Variants in SMYD3 observed in about 807,000 individuals in gnomAD.
SMYD3 encodes SET and MYND domain containing 3.
SMYD3 carries 36 observed loss-of-function variants against 57.7 expected under a neutral mutation model. The observed-to-expected ratio is 0.62, with a 90% CI of 0.48 to 0.82. The LOEUF (loss-of-function observed/expected upper bound fraction) is 0.82, where lower values mean the gene tolerates loss of function less well. SMYD3 is among the 40% of genes least tolerant of loss of function. SMYD3 has a pLI of 0.00. For synonymous variants in SMYD3, 211 were observed against 195.0 expected (o/e 1.08, Z -0.68); for missense variants, 515 against 538.8 (o/e 0.96, Z 0.44).
chr1:246,267,028 C>G (rs2064122907), intron 5 of SMYD3, among the ~76,000 whole-genome samples: 1 of 152,022 alleles, frequency 6.6e-6, no homozygotes, highest in Non-Finnish European at 1.5e-5. Flanking sequence ...TTTTATAAGC[C>G]TGGCAAATAT....
At chr1:245,990,893 G>C (rs1220982611) in intron 5 of SMYD3, among the ~76,000 whole-genome samples, 1 of 151,206 alleles carries the variant, frequency 6.6e-6, no homozygotes, top group African/African-American at 2.4e-5. Context: ...TGACTTCCCT[G>C]TACCAGTGAC....
chr1:246,158,302 C>A (rs540071914), intron 5 of SMYD3, among the ~76,000 whole-genome samples: 1 of 152,244 alleles, frequency 6.6e-6, no homozygotes, highest in South Asian at 2.1e-4. Flanking sequence ...TACTTCCATC[C>A]TCTGAAATGC....
chr1:246,161,488 T>G (rs1225478118), intron 5 of SMYD3, among the ~76,000 whole-genome samples: 1 of 152,210 alleles, frequency 6.6e-6, no homozygotes, highest in African/African-American at 2.4e-5. Flanking sequence ...GGAAGCCTTC[T>G]CTGGCCTCCA....
chr1:246,502,170 A>C (rs1217561269), intron 1 of SMYD3, among the ~76,000 whole-genome samples: 5 of 145,236 alleles, frequency 3.4e-5, no homozygotes, highest in South Asian at 2.2e-4. Context: ...ACAGGGTCTC[A>C]CTCTGTCACC....
chr1:246,407,284 A>G (rs76642375), intron 1 of SMYD3, among the ~76,000 whole-genome samples: 9,385 of 152,288 alleles, frequency 0.062, 384 homozygotes, highest in East Asian at 0.16. Context: ...TAAGATTGCA[A>G]CCACCAGGTA....
intron 10 of SMYD3, among the ~76,000 whole-genome samples, chr1:245,765,869 G>A (rs1399406042): frequency 6.6e-6 from 1 of 152,104 alleles, no homozygotes; most frequent in African/African-American, 2.4e-5. Context: ...TGAACCCAGA[G>A]AACCCCATCT....
At chr1:245,786,312 T>C (rs2047046564) in intron 10 of SMYD3, among the ~76,000 whole-genome samples, 1 of 151,740 alleles carries the variant, frequency 6.6e-6, no homozygotes, top group Non-Finnish European at 1.5e-5. Flanking sequence ...ACCTAATAAA[T>C]GTAAGTACAG....
At chr1:246,197,180 C>G (rs2062840178) in intron 5 of SMYD3, among the ~76,000 whole-genome samples, 1 of 152,086 alleles carries the variant, frequency 6.6e-6, no homozygotes. Flanking sequence ...AGACAAATCT[C>G]CTGTTCAGAG....
rs142623413 is a variant in SMYD3, at chr1:246,152,280, G to C, written c.531+174921C>G. Among the ~76,000 whole-genome samples the C allele has an allele frequency of 1.6e-4, 24 of 152,294 alleles. 1 individual carries two copies. In the East Asian group the frequency reaches 4.4e-3, roughly 28 times the overall value. On this transcript the variant is annotated intron_variant, in intron 5 of 11. Coordinates refer to ENST00000490107, the MANE Select transcript of SMYD3 (RefSeq NM_001167740.2). Reference sequence around the variant, plus strand: ...ACGATGTAGAGAAGTGGAGGGAAGAGAGTGTTTGTTAACACATCCTGGGGA... The same window carrying C: ...ACGATGTAGAGAAGTGGAGGGAAGACAGTGTTTGTTAACACATCCTGGGGA...
At chr1:246,216,573 C>T (rs1383668947) in intron 5 of SMYD3, among the ~76,000 whole-genome samples, 2 of 151,914 alleles carry the variant, frequency 1.3e-5, no homozygotes, top group Non-Finnish European at 2.9e-5. Flanking sequence ...AAGAGAACGT[C>T]TTTGTTTTTA....
At position 246,140,746 on chromosome 1, in the gene SMYD3, G is replaced by A. The variant is rs1224543302; in HGVS notation, c.531+186455C>T. Among the ~76,000 whole-genome samples, 4 of 152,042 alleles carry A rather than the reference G, an allele frequency of 2.6e-5. No homozygotes were observed. The East Asian group carries it at 7.7e-4, about 29-fold the overall frequency. On this transcript the variant is annotated intron_variant, in intron 5 of 11. Transcript: ENST00000490107. ...TCCTGCCTCAGCCTCCCAAGTAGTA[G>A]GGACTATAAGCACATGCCATCATGC...
intron 5 of SMYD3, among the ~76,000 whole-genome samples, chr1:246,089,068 C>T (rs898202695): frequency 3.3e-5 from 5 of 152,112 alleles, no homozygotes; most frequent in African/African-American, 4.8e-5. Context: ...ACTGTGGCCT[C>T]CTGGGTTCAA....
chr1:246,434,185 AAAGGATT>A (rs2067336949), intron 1 of SMYD3, among the ~76,000 whole-genome samples: 1 of 152,246 alleles, frequency 6.6e-6, no homozygotes, highest in Non-Finnish European at 1.5e-5. Context: ...CCATTCTTCT[AAAGGATT>A]GGTTTAGGAA....
chr1:246,117,576 T>C (rs2061360131), intron 5 of SMYD3, among the ~76,000 whole-genome samples: 1 of 152,196 alleles, frequency 6.6e-6, no homozygotes, highest in Admixed American at 6.5e-5. Flanking sequence ...AATGACAAGG[T>C]AAGGTTTCCC....
At chr1:246,022,007 G>C (rs1271926150) in intron 5 of SMYD3, among the ~76,000 whole-genome samples, 1 of 152,148 alleles carries the variant, frequency 6.6e-6, no homozygotes, top group African/African-American at 2.4e-5. Context: ...GACACTGATC[G>C]CTGGAAACAT....
intron 1 of SMYD3, among the ~76,000 whole-genome samples, chr1:246,431,646 C>T (rs2067298084): frequency 1.3e-5 from 2 of 152,176 alleles, no homozygotes; most frequent in South Asian, 4.1e-4. Context: ...GCAGCAGAAT[C>T]GCTTGAACCC....
chr1:246,080,149 T>C (rs12069587), intron 5 of SMYD3, among the ~76,000 whole-genome samples: 26,023 of 152,006 alleles, frequency 0.17, 4,106 homozygotes, highest in African/African-American at 0.42. Flanking sequence ...TAAGTCAGTC[T>C]CCTAGGGCAG....
chr1:245,908,589 A>T lies in SMYD3; in HGVS notation c.813+6941T>A, dbSNP rs182817024. On this transcript the variant is annotated intron_variant, in intron 8 of 11. Coordinates refer to ENST00000490107, the MANE Select transcript of SMYD3 (RefSeq NM_001167740.2). ...GATAAATGATACATTAGTCCTCTAAACAAGGCTTAACACATTTTTAGAAAC... is the reference window on the plus strand; with the variant it reads ...GATAAATGATACATTAGTCCTCTAATCAAGGCTTAACACATTTTTAGAAAC... Among the ~76,000 whole-genome samples, 21 of 152,376 alleles carry T rather than the reference A, an allele frequency of 1.4e-4. No homozygotes were observed. In the East Asian group the frequency reaches 3.3e-3, roughly 24 times the overall value.
In SMYD3 at chr1:245,939,334, AAGAT is replaced by A. The variant is rs542332701; in HGVS notation, c.532-9401_532-9398del. 3.3e-3 allele frequency among the ~76,000 whole-genome samples: 508 copies of A among 152,296 alleles called. 4 individuals are homozygous for A. Among genetic ancestry groups the A allele is most frequent in the African/African-American group, 0.011 (453 of 41,558 alleles). ...AGCATTATAGAAGTATCGGTTTAAAAAGATAGACAGGCCAGGCACCATGGTTCAC... is the reference window on the plus strand; with the variant it reads ...AGCATTATAGAAGTATCGGTTTAAAAAGACAGGCCAGGCACCATGGTTCAC... On this transcript the variant is annotated intron_variant, in intron 5 of 11. Coordinates refer to ENST00000490107, the MANE Select transcript of SMYD3 (RefSeq NM_001167740.2).
Sources: allele counts gnomAD v4.1 joint callset (sites outside exome capture counted in the v4.1 genomes callset), GRCh38; gene constraint gnomAD v4.1.1; transcripts MANE v1.5; gene names NCBI Gene and HGNC (gene_info 2026-07-23, HGNC 2026-07-21).